The following TENM3 variants were observed in gnomAD, a reference collection of about 807,000 sequenced individuals.
TENM3 encodes the protein teneurin-3.
TENM3 carries 63 observed loss-of-function variants against 255.1 expected under a neutral mutation model. That is an observed-to-expected ratio of 0.25 (90% CI 0.20 to 0.30). The LOEUF (loss-of-function observed/expected upper bound fraction) is 0.30, where lower values mean the gene tolerates loss of function less well. Among genes scored for constraint, TENM3 ranks in the 10% least tolerant of loss-of-function variants. The pLI is 1.00. For missense variants in TENM3, 2,929 were observed against 3,461.1 expected (o/e 0.85, Z 3.86); for synonymous variants, 1,306 against 1,322.3 (o/e 0.99, Z 0.27).
the TENM3 span, among the ~76,000 whole-genome samples, chr4:181,804,306 G>A: frequency 6.6e-6 from 1 of 152,188 alleles, no homozygotes; most frequent in Non-Finnish European, 1.5e-5. Context: ...AATACTGTCA[G>A]TCCAATTCTA....
At chr4:182,253,285 A>T (rs1385304012) in intron 1 of TENM3, among the ~76,000 whole-genome samples, 1 of 152,188 alleles carries the variant, frequency 6.6e-6, no homozygotes, top group Non-Finnish European at 1.5e-5. Flanking sequence ...CAGCCTGGCC[A>T]ACATGGTGAA....
At chr4:181,707,311 G>A in the TENM3 span, among the ~76,000 whole-genome samples, 17 of 152,234 alleles carry the variant, frequency 1.1e-4, no homozygotes, top group South Asian at 2.1e-4. Context: ...ATTTTCTGCC[G>A]GGCCCATTTT....
intron 3 of TENM3, among the ~76,000 whole-genome samples, chr4:182,533,564 A>G (rs569028046): frequency 6.6e-6 from 1 of 151,146 alleles, no homozygotes; most frequent in East Asian, 2.0e-4. Flanking sequence ...AAAAATCTCT[A>G]GTCAAATATT....
intron 1 of TENM3, among the ~76,000 whole-genome samples, chr4:182,258,528 C>T (rs964661692): frequency 2.1e-5 from 3 of 143,786 alleles, no homozygotes; most frequent in Non-Finnish European, 1.6e-5. Context: ...CATTTTCCCT[C>T]TCAAAAAAAA....
At chr4:182,700,245 T>C (rs1183753973) in intron 12 of TENM3, among the ~76,000 whole-genome samples, 1 of 152,202 alleles carries the variant, frequency 6.6e-6, no homozygotes, top group Non-Finnish European at 1.5e-5. Context: ...TTTCATTCAG[T>C]TTAATGTAAG....
At position 182,730,992 on chromosome 4, in the gene TENM3, T is replaced by G; in HGVS notation, c.2820T>G (p.Asp940Glu). 6.2e-7 allele frequency: 1 copy of G among 1,613,970 alleles called. No homozygotes were observed. ...WIPWNVFYVMDTLVMKKEEND... is the reference protein window; with the variant it reads ...WIPWNVFYVMETLVMKKEEND... ...CATGGAATGTCTTTTATGTGATGGATACCCTAGTCATGAAGAAAGAAGAGA... is the reference window on the plus strand; with the variant it reads ...CATGGAATGTCTTTTATGTGATGGAGACCCTAGTCATGAAGAAAGAAGAGA... Residue 940 changes from aspartate to glutamate, a missense_variant, in exon 16 of 28, where the codon GAT becomes GAG. Asp to Glu is a conservative substitution (Grantham distance 45). Coordinates refer to ENST00000511685, the MANE Select transcript of TENM3 (RefSeq NM_001080477.4).
upstream of TENM3, among the ~76,000 whole-genome samples, chr4:182,140,274 C>T (rs1019474551): frequency 2.0e-5 from 3 of 152,192 alleles, no homozygotes; most frequent in Non-Finnish European, 2.9e-5. Context: ...GGCTACCAGC[C>T]TTTAGCCTCT....
chr4:181,458,306 G>GT, the TENM3 span, among the ~76,000 whole-genome samples: 37 of 151,946 alleles, frequency 2.4e-4, no homozygotes, highest in Non-Finnish European at 2.5e-4. Context: ...TTTGAGTGAG[G>GT]TTTTTTGCTT....
At chr4:182,336,356 A>T (rs900624811) in intron 2 of TENM3, among the ~76,000 whole-genome samples, 1 of 152,338 alleles carries the variant, frequency 6.6e-6, no homozygotes, top group South Asian at 2.1e-4. Context: ...AGCCAAAAAA[A>T]AAAAGCAATT....
chr4:182,478,010 T>G (rs893145131), intron 3 of TENM3, among the ~76,000 whole-genome samples: 4 of 152,162 alleles, frequency 2.6e-5, no homozygotes, highest in African/African-American at 9.7e-5. Context: ...ATTGTCAATT[T>G]TACACATAGT....
upstream of TENM3, among the ~76,000 whole-genome samples, chr4:182,139,454 G>A (rs1275841915): frequency 6.6e-6 from 1 of 152,134 alleles, no homozygotes; most frequent in Non-Finnish European, 1.5e-5. Flanking sequence ...AATATCTAAC[G>A]GGTGTTGTTT....
chr4:182,779,246 C>A (rs562548660), intron 24 of TENM3, among the ~76,000 whole-genome samples: 1 of 151,610 alleles, frequency 6.6e-6, no homozygotes, highest in Non-Finnish European at 1.5e-5. Flanking sequence ...TGTGATATTC[C>A]CCTTCCTGTG....
intron 5 of TENM3, among the ~76,000 whole-genome samples, chr4:182,630,717 G>C (rs1000148121): frequency 4.0e-5 from 6 of 151,810 alleles, no homozygotes; most frequent in Non-Finnish European, 7.4e-5. Context: ...AAATAAAAAA[G>C]AATATGTGTT....
At chr4:181,794,503 C>T in the TENM3 span, among the ~76,000 whole-genome samples, 1 of 152,122 alleles carries the variant, frequency 6.6e-6, no homozygotes, top group Non-Finnish European at 1.5e-5. Context: ...ATGAATTTGA[C>T]TTTTTTAGAT....
chr4:182,449,414 G>T (rs890771081), intron 3 of TENM3, among the ~76,000 whole-genome samples: 1 of 152,068 alleles, frequency 6.6e-6, no homozygotes, highest in African/African-American at 2.4e-5. Context: ...GAGTGGTGCA[G>T]GTAGCCGCGG....
At chr4:182,089,777 A>G in the TENM3 span, among the ~76,000 whole-genome samples, 1 of 152,232 alleles carries the variant, frequency 6.6e-6, no homozygotes, top group African/African-American at 2.4e-5. Context: ...TTAATTGCAT[A>G]TGAGATTCTA....
intron 1 of TENM3, among the ~76,000 whole-genome samples, chr4:182,154,139 CT>C (rs538835252): frequency 5.0e-4 from 72 of 143,474 alleles, no homozygotes; most frequent in Admixed American, 9.0e-4. Flanking sequence ...TGCTTTTTTT[CT>C]TTTTTTTTTT....
chr4:182,668,155 C>G (rs1341294555), intron 6 of TENM3, among the ~76,000 whole-genome samples: 1 of 152,086 alleles, frequency 6.6e-6, no homozygotes, highest in Non-Finnish European at 1.5e-5. Context: ...GGGAAAGTCG[C>G]TGAAGCCCTA....
At chr4:182,059,745 C>CAAAAAAAA in the TENM3 span, among the ~76,000 whole-genome samples, 2 of 43,158 alleles carry the variant, frequency 4.6e-5, no homozygotes, top group African/African-American at 9.6e-5. Context: ...TCTGTCTCTA[C>CAAAAAAAA]AAAAAAAAAA....
Sources: allele counts gnomAD v4.1 joint callset (sites outside exome capture counted in the v4.1 genomes callset), GRCh38; gene constraint gnomAD v4.1.1; transcripts MANE v1.5; gene names NCBI Gene and HGNC (gene_info 2026-07-23, HGNC 2026-07-21).